Variants in CCDC3 observed in about 807,000 individuals in gnomAD.
The protein encoded by CCDC3 is coiled-coil domain-containing protein 3.
In CCDC3, 24 loss-of-function variants were observed where a neutral mutation model predicts 21.4. That is an observed-to-expected ratio of 1.12 (90% CI 0.81 to 1.58). The LOEUF is 1.58. Ranked by LOEUF, CCDC3 falls within the 40% of genes most tolerant of loss-of-function variation. The pLI, the probability that CCDC3 is intolerant of heterozygous loss-of-function variation, is 0.00. For missense variants in CCDC3, 425 were observed against 360.9 expected (o/e 1.18, Z -1.44); for synonymous variants, 186 against 166.0 (o/e 1.12, Z -0.93).
intron 3 of CCDC3, among the ~76,000 whole-genome samples, chr10:13,096,103 TTTCCTTCC>T (rs145259198): frequency 1.3e-5 from 2 of 151,642 alleles, no homozygotes; most frequent in Non-Finnish European, 2.9e-5. Flanking sequence ...TTTCTTTTCT[TTTCCTTCC>T]TTCCTTCCTT....
intron 2 of CCDC3, among the ~76,000 whole-genome samples, chr10:12,948,865 G>A (rs1037125969): frequency 1.3e-5 from 2 of 149,128 alleles, no homozygotes; most frequent in African/African-American, 2.5e-5. Context: ...CCGAGTAGCT[G>A]GGACTACAGG....
chr10:12,942,604 G>T (rs1481858027), intron 2 of CCDC3, among the ~76,000 whole-genome samples: 1 of 152,174 alleles, frequency 6.6e-6, no homozygotes, highest in Non-Finnish European at 1.5e-5. Flanking sequence ...AATGAAGCAG[G>T]CAACATGGCA....
At chr10:12,935,092 A>T (rs188430637) in intron 2 of CCDC3, among the ~76,000 whole-genome samples, 72 of 151,280 alleles carry the variant, frequency 4.8e-4, no homozygotes, top group Admixed American at 2.7e-3. Context: ...GGGTCTTGCT[A>T]TGTTGCCCTT....
At chr10:13,076,743 A>G (rs924095900) in intron 3 of CCDC3, among the ~76,000 whole-genome samples, 12 of 152,124 alleles carry the variant, frequency 7.9e-5, no homozygotes, top group African/African-American at 2.9e-4. Flanking sequence ...GAATGTTATT[A>G]CTTTTCTAAG....
rs147708993 is a variant in CCDC3, at chr10:13,018,924, C to T, written c.-1-20412G>A. 2.5e-3 allele frequency among the ~76,000 whole-genome samples: 373 copies of T among 146,968 alleles called. 2 individuals are homozygous for T. The highest frequency in any genetic ancestry group is 5.5e-3 in the Admixed American group (79 of 14,382). ...TGCACTCCAGCCTAGATGACAAGAG[C>T]GGAACTCTGTCTCAAAAAAGGAAAA... is the stretch of plus-strand genomic sequence containing the variant. On this transcript the variant is annotated intron_variant, in intron 5 of 6. Transcript: ENST00000378839.
chr10:12,962,416 A>G (rs1246735484), intron 2 of CCDC3, among the ~76,000 whole-genome samples: 1 of 152,196 alleles, frequency 6.6e-6, no homozygotes, highest in Non-Finnish European at 1.5e-5. Context: ...CATCCTGGCC[A>G]CCATGGTGAA....
chr10:12,984,589 C>T (rs1187376737), intron 2 of CCDC3, among the ~76,000 whole-genome samples: 1 of 152,076 alleles, frequency 6.6e-6, no homozygotes, highest in Non-Finnish European at 1.5e-5. Flanking sequence ...AGCTTATATC[C>T]GTACAAAAAC....
chr10:13,081,160 A>G (rs545159575), intron 3 of CCDC3, among the ~76,000 whole-genome samples: 1 of 126,764 alleles, frequency 7.9e-6, no homozygotes, highest in African/African-American at 2.7e-5. Context: ...AGGAACTATA[A>G]AGTAAAAAAA....
intron 4 of CCDC3, chr10:13,073,846 C>A (rs1470089052): frequency 2.0e-5 from 3 of 152,074 alleles, no homozygotes; most frequent in Admixed American, 6.6e-5. Context: ...ATAAACCCAA[C>A]AGGTCTACCA....
At position 13,076,436 on chromosome 10, in the gene CCDC3, C is replaced by T. The variant is rs1438884447; in HGVS notation, c.-502-2336G>A. On this transcript the variant is annotated intron_variant, in intron 3 of 6. Coordinates refer to the CCDC3 transcript ENST00000378839. ...AAACAGATTGATAACCTTTACTAAA[C>T]AGACCCAGACGTAGGAGTGTCCTGT... Among the ~76,000 whole-genome samples the T allele has an allele frequency of 2.6e-5, 4 of 152,330 alleles. 1 individual carries two copies. The highest frequency in any genetic ancestry group is 6.5e-5 in the Admixed American group (1 of 15,300).
intron 5 of CCDC3, among the ~76,000 whole-genome samples, chr10:13,033,222 C>G (rs1316427865): frequency 6.6e-6 from 1 of 152,028 alleles, no homozygotes; most frequent in African/African-American, 2.4e-5. Flanking sequence ...ACAAACCTGA[C>G]AAAAACAAGC....
At chr10:13,004,515 A>G (rs968804197), upstream of CCDC3, among the ~76,000 whole-genome samples, 1 of 149,964 alleles carries the variant, frequency 6.7e-6, no homozygotes, top group Non-Finnish European at 1.5e-5. Flanking sequence ...GGGAAGGCAT[A>G]TCCGTGTCCA....
At chr10:12,967,724 T>C (rs1420916056) in intron 2 of CCDC3, among the ~76,000 whole-genome samples, 1 of 151,930 alleles carries the variant, frequency 6.6e-6, no homozygotes, top group Non-Finnish European at 1.5e-5. Context: ...GAAAAAAACA[T>C]AGGGGCAAAG....
At chr10:13,072,302 C>T (rs1318191340) in intron 4 of CCDC3, among the ~76,000 whole-genome samples, 1 of 152,150 alleles carries the variant, frequency 6.6e-6, no homozygotes, top group Non-Finnish European at 1.5e-5. Context: ...CTGCTGTTTT[C>T]CCCAAAACAG....
At position 12,904,992 on chromosome 10, in the gene CCDC3, C is replaced by G. The variant is rs554224013; in HGVS notation, c.550-6313G>C. Among the ~76,000 whole-genome samples, 26 of 151,928 alleles carry G rather than the reference C, an allele frequency of 1.7e-4. No individual in the cohort carries two copies. The South Asian group carries it at 5.5e-3, about 32-fold the overall frequency. The stretch of plus-strand genomic sequence containing the variant: ...GGCACCAGACATGCCAAAGAGTCAC[C>G]GAGAGGATTCTTGCCTTTCACAGCT... On this transcript the variant is annotated intron_variant, in intron 2 of 2. Coordinates refer to ENST00000378825, the MANE Select transcript of CCDC3 (RefSeq NM_031455.4).
At chr10:12,913,645 C>G (rs1409675229) in intron 2 of CCDC3, among the ~76,000 whole-genome samples, 5 of 152,216 alleles carry the variant, frequency 3.3e-5, no homozygotes, top group Non-Finnish European at 7.3e-5. Context: ...GAGTGAACAT[C>G]TTTGTCTTAT....
intron 5 of CCDC3, among the ~76,000 whole-genome samples, chr10:13,031,655 G>A (rs541184005): frequency 6.6e-6 from 1 of 151,976 alleles, no homozygotes; most frequent in Non-Finnish European, 1.5e-5. Context: ...ATGATAAAGG[G>A]GGTATCACCA....
chr10:12,986,642 C>T (rs528851300), intron 2 of CCDC3, among the ~76,000 whole-genome samples: 113 of 152,066 alleles, frequency 7.4e-4, no homozygotes, highest in African/African-American at 2.0e-3. Context: ...GGCGTGGTGG[C>T]GGACGCCTGT....
chr10:13,070,532 G>T (rs1280715134), intron 4 of CCDC3, among the ~76,000 whole-genome samples: 1 of 152,134 alleles, frequency 6.6e-6, no homozygotes, highest in African/African-American at 2.4e-5. Flanking sequence ...CCCCATACAG[G>T]GTTCCTAACC....
Sources: gnomAD v4.1 joint callset for allele counts (sites outside exome capture counted in the v4.1 genomes callset) on GRCh38, gnomAD v4.1.1 for gene constraint, MANE v1.5 for transcripts, NCBI Gene and HGNC (gene_info 2026-07-23, HGNC 2026-07-21) for gene names.